The following ZFP1 variants were observed in gnomAD, a reference collection of about 807,000 sequenced individuals.
ZFP1 encodes ZFP1 zinc finger protein, also known as zinc finger protein 1 homolog.
ZFP1 carries 32 observed loss-of-function variants against 38.5 expected under a neutral mutation model. The observed-to-expected ratio is 0.83, with a 90% CI of 0.63 to 1.12. The LOEUF (loss-of-function observed/expected upper bound fraction) is 1.12, where lower values mean the gene tolerates loss of function less well. ZFP1 is among the 50% of genes most tolerant of loss of function. The probability of loss-of-function intolerance (pLI) is 0.00; values close to 1 mark genes in which losing one functional copy is unlikely to be tolerated. For synonymous variants in ZFP1, 245 were observed against 168.8 expected (o/e 1.45, Z -3.50); for missense variants, 616 against 480.8 (o/e 1.28, Z -2.63).
At chr16:75,164,353 C>G (rs562901905) in intron 2 of ZFP1, among the ~76,000 whole-genome samples, 7 of 152,236 alleles carry the variant, frequency 4.6e-5, no homozygotes, top group African/African-American at 1.2e-4. Flanking sequence ...CAGTACTTTC[C>G]TATTTTAAAC....
the ZFP1 span, among the ~76,000 whole-genome samples, chr16:75,123,594 C>T: frequency 6.7e-6 from 1 of 149,426 alleles, no homozygotes; most frequent in African/African-American, 2.4e-5. Flanking sequence ...TCTCCTGCCT[C>T]AGCCTCCCAA....
the ZFP1 span, among the ~76,000 whole-genome samples, chr16:75,129,873 G>C: frequency 1.3e-5 from 2 of 152,178 alleles, no homozygotes; most frequent in African/African-American, 4.8e-5. Context: ...TTTTAGAGCA[G>C]GAGTGAAATT....
chr16:75,141,447 C>T, the ZFP1 span, among the ~76,000 whole-genome samples: 12 of 151,838 alleles, frequency 7.9e-5, 1 homozygote, highest in East Asian at 3.9e-4. Context: ...ACTTGTGATC[C>T]GCCCGCCTCG....
chr16:75,135,635 G>T, the ZFP1 span, among the ~76,000 whole-genome samples: 1 of 152,262 alleles, frequency 6.6e-6, no homozygotes, highest in East Asian at 1.9e-4. Flanking sequence ...TGATTGCCAG[G>T]TGTTCAAGGT....
At position 75,171,612 on chromosome 16, in the gene ZFP1, T is replaced by C. The variant is rs575344462; in HGVS notation, c.*1278T>C. The C allele has an allele frequency of 6.6e-6, 1 of 152,352 alleles. No individual in the cohort carries two copies. Among genetic ancestry groups the C allele is most frequent in the South Asian group, 2.1e-4 (1 of 4,828 alleles). 9.4% of individuals were successfully genotyped at this position (152,352 alleles called of 1,614,324 possible). A position where few individuals can be genotyped will look rare whatever the true frequency, so the allele number is the denominator to read the frequency against. ...AAAGATTTGCTTTTATAGACTTGAT[T>C]TCAAATTCTTAAGTTCAGCCTTTCC... On this transcript the variant is annotated 3_prime_UTR_variant, in exon 4 of 4. Transcript: ENST00000570010.
the ZFP1 span, among the ~76,000 whole-genome samples, chr16:75,121,705 A>G: frequency 2.6e-5 from 4 of 152,202 alleles, no homozygotes; most frequent in Admixed American, 2.6e-4. Context: ...CACTACTGAA[A>G]ATGCTTAAAA....
chr16:75,152,938 C>A lies in ZFP1; in HGVS notation c.-14C>A, dbSNP rs770984210. The A allele has an allele frequency of 1.2e-6, 2 of 1,613,450 alleles. No individual in the cohort carries two copies. The highest frequency in any genetic ancestry group is 1.7e-6 in the Non-Finnish European group (2 of 1,179,716). ...GCCTTCATAGTTCTCTGCCTTTGCC[C>A]AAAACTGCAGAAAATGAACAAATCC... On this transcript the variant is annotated 5_prime_UTR_variant, in exon 2 of 4. Coordinates refer to ENST00000570010, the MANE Select transcript of ZFP1 (RefSeq NM_153688.4).
Position 75,170,702 on chromosome 16 carries a change from A to G in ZFP1, c.*368A>G, listed in dbSNP as rs750017245. On this transcript the variant is annotated 3_prime_UTR_variant, in exon 4 of 4. Transcript: ENST00000570010. ...ACAAAACACAAGTGGTATGCTTTAG[A>G]TCTGCACATGTGAATTTAGCATAAT... 2 of 174,634 alleles carry G rather than the reference A, an allele frequency of 1.1e-5. No individual in the cohort carries two copies. Among genetic ancestry groups the G allele is most frequent in the Non-Finnish European group, 2.4e-5 (2 of 82,586 alleles). The allele number at this position is 174,634 out of a possible 1,614,324, so 10.8% of individuals were successfully genotyped here.
chr16:75,140,437 G>C, the ZFP1 span, among the ~76,000 whole-genome samples: 1 of 152,050 alleles, frequency 6.6e-6, no homozygotes, highest in Non-Finnish European at 1.5e-5. Context: ...ACAATGCACT[G>C]TCCCCTCAAC....
At chr16:75,153,560 G>C (rs1245917425) in intron 2 of ZFP1, among the ~76,000 whole-genome samples, 1 of 152,100 alleles carries the variant, frequency 6.6e-6, no homozygotes, top group East Asian at 1.9e-4. Flanking sequence ...TTTTAGAGCA[G>C]TTTTGGGTTT....
intron 1 of ZFP1, chr16:75,149,349 A>G (rs943231775): frequency 2.6e-5 from 4 of 152,066 alleles, no homozygotes; most frequent in African/African-American, 9.7e-5. Flanking sequence ...GACGTTTTAA[A>G]TTTCTCTCGG....
chr16:75,121,368 G>A, the ZFP1 span, among the ~76,000 whole-genome samples: 27,232 of 151,844 alleles, frequency 0.18, 2,970 homozygotes, highest in Non-Finnish European at 0.24. Flanking sequence ...CTTGTGATCC[G>A]CCCACCTCGG....
At chr16:75,126,516 G>C in the ZFP1 span, among the ~76,000 whole-genome samples, 1 of 152,146 alleles carries the variant, frequency 6.6e-6, no homozygotes, top group Non-Finnish European at 1.5e-5. Context: ...TGATTCTCCT[G>C]CCTCAGCCTC....
chr16:75,171,900 CTGTTT>C lies in ZFP1; in HGVS notation c.*1568_*1572del, dbSNP rs1444180307. The C allele has an allele frequency of 6.6e-6, 1 of 152,154 alleles. No homozygotes were observed. The highest frequency in any genetic ancestry group is 1.5e-5 in the Non-Finnish European group (1 of 68,018). 9.4% of individuals were successfully genotyped at this position (152,154 alleles called of 1,614,324 possible). On this transcript the variant is annotated 3_prime_UTR_variant, in exon 4 of 4. Transcript: ENST00000570010. ...AGCCTCCTTGGACAACATTGTGAGT[CTGTTT>C]TAACATTAATATACTCTTACAACCT... is the stretch of plus-strand genomic sequence containing the variant.
chr16:75,142,839 G>C, the ZFP1 span, among the ~76,000 whole-genome samples: 143,560 of 152,202 alleles, frequency 0.94, 67,850 homozygotes, highest in African/African-American at 0.99. Flanking sequence ...GTATCTGGGA[G>C]TACAGGTGTC....
chr16:75,133,200 C>T, the ZFP1 span, among the ~76,000 whole-genome samples: 10 of 152,172 alleles, frequency 6.6e-5, no homozygotes, highest in Non-Finnish European at 8.8e-5. Flanking sequence ...TGGTCTCGAA[C>T]TCCTGACCTC....
At chr16:75,143,695 A>C (rs2036911898), upstream of ZFP1, among the ~76,000 whole-genome samples, 1 of 113,436 alleles carries the variant, frequency 8.8e-6, no homozygotes, top group South Asian at 2.9e-4. Flanking sequence ...TCTATTGCCC[A>C]GGCTCGAATG....
the ZFP1 span, among the ~76,000 whole-genome samples, chr16:75,141,077 T>C: frequency 1.7e-4 from 26 of 152,288 alleles, no homozygotes; most frequent in Non-Finnish European, 2.4e-4. Context: ...CCAAAAATTG[T>C]TCTTAAACAT....
chr16:75,141,195 CTTTTTTTTTT>C, the ZFP1 span, among the ~76,000 whole-genome samples: 1 of 67,900 alleles, frequency 1.5e-5, no homozygotes, highest in African/African-American at 5.9e-5. Flanking sequence ...TTGGGTCATT[CTTTTTTTTTT>C]TTTTTTTTTT....
Sources: allele counts gnomAD v4.1 joint callset (sites outside exome capture counted in the v4.1 genomes callset), GRCh38; gene constraint gnomAD v4.1.1; transcripts MANE v1.5; gene names NCBI Gene and HGNC (gene_info 2026-07-23, HGNC 2026-07-21).